FBXO34: variants seen among roughly 807,000 people sequenced by gnomAD.
The protein encoded by FBXO34 is F-box only protein 34.
A neutral mutation model predicts 24.5 loss-of-function variants in FBXO34; 12 were observed. That is an observed-to-expected ratio of 0.49 (90% CI 0.31 to 0.79). The LOEUF (loss-of-function observed/expected upper bound fraction) is 0.79. FBXO34 is among the 30% of genes least tolerant of loss of function. The probability of loss-of-function intolerance (pLI) is 0.04; values close to 1 mark genes in which losing one functional copy is unlikely to be tolerated. For missense variants in FBXO34, 823 were observed against 857.7 expected (o/e 0.96, Z 0.51); for synonymous variants, 320 against 311.9 (o/e 1.03, Z -0.27).
chr14:55,382,048 G>A, the FBXO34 span: 1 of 1,614,216 alleles, frequency 6.2e-7, no homozygotes, highest in Non-Finnish European at 8.5e-7. Flanking sequence ...CCAAGGCCCT[G>A]TAATGCTAAT....
At chr14:55,428,786 C>A in the FBXO34 span, 2 of 1,596,790 alleles carry the variant, frequency 1.3e-6, no homozygotes, top group South Asian at 2.3e-5. Context: ...ATTCAAAGTT[C>A]AAGCTATATA....
chr14:55,439,792 G>A, the FBXO34 span, among the ~76,000 whole-genome samples: 2 of 151,672 alleles, frequency 1.3e-5, no homozygotes, highest in East Asian at 1.9e-4. Context: ...TTAGCCGGGC[G>A]TAGTGGCGGG....
chr14:55,413,310 A>G, the FBXO34 span, among the ~76,000 whole-genome samples: 1 of 152,246 alleles, frequency 6.6e-6, no homozygotes, highest in African/African-American at 2.4e-5. Context: ...AAGGCAAAAA[A>G]TACACATTAA....
At chr14:55,434,711 C>G in the FBXO34 span, among the ~76,000 whole-genome samples, 3 of 152,236 alleles carry the variant, frequency 2.0e-5, no homozygotes, top group Admixed American at 2.0e-4. Context: ...TATGAAATAT[C>G]AAAAGGAAAG....
the FBXO34 span, among the ~76,000 whole-genome samples, chr14:55,427,836 C>T: frequency 1.1e-3 from 167 of 150,182 alleles, no homozygotes; most frequent in African/African-American, 2.7e-3. Flanking sequence ...GCTATATACA[C>T]ACACACACAC....
At chr14:55,406,781 G>A in the FBXO34 span, among the ~76,000 whole-genome samples, 17 of 152,262 alleles carry the variant, frequency 1.1e-4, no homozygotes, top group African/African-American at 4.1e-4. Context: ...AGGTGAAGCT[G>A]ACCTAAGCAG....
At chr14:55,309,258 G>T (rs1882653452) in intron 1 of FBXO34, among the ~76,000 whole-genome samples, 1 of 152,080 alleles carries the variant, frequency 6.6e-6, no homozygotes, top group African/African-American at 2.4e-5. Context: ...GGCCAAGGTT[G>T]ATGTGAAAAA....
In FBXO34 at chr14:55,352,505, T is replaced by C. The variant is rs1249081457; in HGVS notation, c.2115T>C (p.Thr705=). 2.5e-6 allele frequency: 4 copies of C among 1,607,528 alleles called. No individual in the cohort carries two copies. The highest frequency in any genetic ancestry group is 3.4e-6 in the Non-Finnish European group (4 of 1,177,142). ...NRAIHKKAKG[T]EAEEEY ...CAATCCATAAGAAAGCAAAAGGGAC[T>C]GAAGCTGAAGAGGAATACTAAAGTC... The change falls in exon 2 of 2, where the codon ACT becomes ACC. Residue 705 remains threonine, a synonymous_variant. Coordinates refer to ENST00000313833, the MANE Select transcript of FBXO34 (RefSeq NM_017943.4).
the FBXO34 span, among the ~76,000 whole-genome samples, chr14:55,376,155 C>T: frequency 3.9e-5 from 6 of 152,314 alleles, no homozygotes; most frequent in East Asian, 1.2e-3. Flanking sequence ...CTTGTACTGG[C>T]TCTGTGACCA....
intron 1 of FBXO34, among the ~76,000 whole-genome samples, chr14:55,349,962 A>G (rs567214089): frequency 1.3e-5 from 2 of 152,242 alleles, no homozygotes; most frequent in East Asian, 3.9e-4. Context: ...AATTGTGATG[A>G]TTTAGAAAGG....
chr14:55,332,766 C>T (rs554748111), intron 1 of FBXO34, among the ~76,000 whole-genome samples: 92 of 152,198 alleles, frequency 6.0e-4, no homozygotes, highest in Non-Finnish European at 8.8e-4. Context: ...TCTGTAGCTA[C>T]GGTGATCTTC....
At chr14:55,313,299 C>T (rs890916530) in intron 1 of FBXO34, among the ~76,000 whole-genome samples, 10 of 152,192 alleles carry the variant, frequency 6.6e-5, no homozygotes, top group Non-Finnish European at 1.2e-4. Flanking sequence ...TCATCTGAGA[C>T]CACCTCATCC....
At chr14:55,301,780 C>T (rs1882365208) in intron 1 of FBXO34, among the ~76,000 whole-genome samples, 1 of 152,126 alleles carries the variant, frequency 6.6e-6, no homozygotes, top group Admixed American at 6.5e-5. Flanking sequence ...TCAGAGTGAG[C>T]CAGGCAGTAT....
At chr14:55,398,816 G>A in the FBXO34 span, among the ~76,000 whole-genome samples, 2 of 151,698 alleles carry the variant, frequency 1.3e-5, no homozygotes, top group African/African-American at 4.8e-5. Flanking sequence ...GCTACTGAGT[G>A]CCTAAGATGT....
intron 1 of FBXO34, among the ~76,000 whole-genome samples, chr14:55,331,992 C>G (rs919149422): frequency 7.7e-6 from 1 of 130,434 alleles, no homozygotes; most frequent in Admixed American, 7.5e-5. Context: ...TATATATACA[C>G]CACCGTGGTG....
At chr14:55,280,263 G>T (rs1039479384) in intron 1 of FBXO34, among the ~76,000 whole-genome samples, 1 of 152,084 alleles carries the variant, frequency 6.6e-6, no homozygotes, top group South Asian at 2.1e-4. Context: ...GTAGAGCAGC[G>T]CTGTTGAGTA....
intron 1 of FBXO34, among the ~76,000 whole-genome samples, chr14:55,284,471 C>A (rs552579890): frequency 0.053 from 7,415 of 139,472 alleles, 281 homozygotes; most frequent in South Asian, 0.075. Context: ...GAGGTTGTGC[C>A]ATTGCACTCC....
intron 1 of FBXO34, among the ~76,000 whole-genome samples, chr14:55,309,629 A>G (rs1362087845): frequency 1.3e-5 from 2 of 152,216 alleles, no homozygotes; most frequent in Non-Finnish European, 2.9e-5. Flanking sequence ...ATCATTTGGA[A>G]GGCTGCATTA....
chr14:55,307,068 T>C (rs923416696), intron 1 of FBXO34, among the ~76,000 whole-genome samples: 2 of 152,264 alleles, frequency 1.3e-5, no homozygotes, highest in Admixed American at 6.5e-5. Flanking sequence ...AAAGTAAGAC[T>C]GATTGTTCTG....
Sources: gnomAD v4.1 joint callset for allele counts (sites outside exome capture counted in the v4.1 genomes callset) on GRCh38, gnomAD v4.1.1 for gene constraint, MANE v1.5 for transcripts, NCBI Gene and HGNC (gene_info 2026-07-23, HGNC 2026-07-21) for gene names.